Variants in CEP85L observed in about 807,000 individuals in gnomAD.
CEP85L encodes centrosomal protein of 85 kDa-like.
CEP85L carries 60 observed loss-of-function variants against 100.3 expected under a neutral mutation model. That is an observed-to-expected ratio of 0.60 (90% confidence interval 0.49 to 0.74). CEP85L has a LOEUF of 0.74. CEP85L is among the 30% of genes least tolerant of loss of function. The pLI, the probability that CEP85L is intolerant of heterozygous loss-of-function variation, is 0.00. For synonymous variants in CEP85L, 319 were observed against 322.7 expected (o/e 0.99, Z 0.12); for missense variants, 973 against 936.2 (o/e 1.04, Z -0.51).
At chr6:118,552,218 A>G (rs1484255499) in intron 3 of CEP85L, among the ~76,000 whole-genome samples, 1 of 152,092 alleles carries the variant, frequency 6.6e-6, no homozygotes, top group African/African-American at 2.4e-5. Flanking sequence ...TAAAAGGAGA[A>G]AAGCAAAATT....
intron 2 of CEP85L, among the ~76,000 whole-genome samples, chr6:118,627,762 T>C (rs1204387335): frequency 6.6e-6 from 1 of 152,198 alleles, no homozygotes; most frequent in Non-Finnish European, 1.5e-5. Context: ...TTTTGAAATA[T>C]ACCAGAACAT....
chr6:118,492,840 G>A (rs1272820583), intron 5 of CEP85L, among the ~76,000 whole-genome samples: 2 of 152,120 alleles, frequency 1.3e-5, no homozygotes, highest in Non-Finnish European at 2.9e-5. Flanking sequence ...CAGTAGCTAA[G>A]GGAGGGTGTT....
intron 1 of CEP85L, among the ~76,000 whole-genome samples, chr6:118,683,891 C>G (rs1000948814): frequency 1.3e-5 from 2 of 152,116 alleles, no homozygotes; most frequent in African/African-American, 4.8e-5. Flanking sequence ...TTTCTGGTAG[C>G]CTAGATGCAG....
At chr6:118,705,238 A>T (rs868253365) in intron 1 of CEP85L, among the ~76,000 whole-genome samples, 3 of 152,200 alleles carry the variant, frequency 2.0e-5, no homozygotes, top group Admixed American at 6.5e-5. Flanking sequence ...TCTTCTCTTC[A>T]TGCAGCAGAG....
intron 2 of CEP85L, among the ~76,000 whole-genome samples, chr6:118,586,984 A>C (rs2115101294): frequency 6.6e-6 from 1 of 152,346 alleles, no homozygotes; most frequent in East Asian, 1.9e-4. Context: ...AGTAAACATG[A>C]GCATTTTACT....
chr6:118,534,598 T>C (rs1005838890), intron 3 of CEP85L, among the ~76,000 whole-genome samples: 1 of 151,888 alleles, frequency 6.6e-6, no homozygotes, highest in East Asian at 1.9e-4. Flanking sequence ...GGTTGTATTA[T>C]TGACATAAGG....
At chr6:118,602,841 G>C (rs989674358) in intron 2 of CEP85L, among the ~76,000 whole-genome samples, 5 of 149,620 alleles carry the variant, frequency 3.3e-5, no homozygotes, top group African/African-American at 1.2e-4. Flanking sequence ...TTTTTTTGGA[G>C]ATATAGTCTC....
chr6:118,634,841 A>T (rs549212672), intron 1 of CEP85L, among the ~76,000 whole-genome samples: 5 of 151,826 alleles, frequency 3.3e-5, no homozygotes, highest in South Asian at 2.1e-4. Flanking sequence ...CTGGATAATT[A>T]TTTTTTTTTA....
chr6:118,699,448 T>C (rs1314268811), intron 1 of CEP85L, among the ~76,000 whole-genome samples: 1 of 107,772 alleles, frequency 9.3e-6, no homozygotes, highest in Non-Finnish European at 2.1e-5. Flanking sequence ...GAGCAAGACC[T>C]TGTCTCAAAA....
chr6:118,469,333 T>C (rs1490146330), intron 11 of CEP85L, 30 bp from the exon 12 acceptor site: 1 of 1,557,492 alleles, frequency 6.4e-7, no homozygotes, highest in South Asian at 1.1e-5. Flanking sequence ...AAACATCAGA[T>C]TGTTAGAACA....
intron 3 of CEP85L, 78 bp downstream of exon 3, chr6:118,565,451 T>C: frequency 7.5e-7 from 1 of 1,326,090 alleles, no homozygotes; most frequent in South Asian, 1.3e-5. Flanking sequence ...TGAACACTTG[T>C]TATATGCTTA....
chr6:118,641,536 G>T (rs1329599075), intron 1 of CEP85L, among the ~76,000 whole-genome samples: 1 of 152,060 alleles, frequency 6.6e-6, no homozygotes, highest in Non-Finnish European at 1.5e-5. Context: ...TAACATAAAC[G>T]GAGGTGCTCT....
chr6:118,635,980 T>A (rs754700308), intron 1 of CEP85L, among the ~76,000 whole-genome samples: 33 of 152,184 alleles, frequency 2.2e-4, no homozygotes, highest in Non-Finnish European at 3.5e-4. Context: ...AACAGTTCAA[T>A]AAAACCTTTT....
intron 1 of CEP85L, among the ~76,000 whole-genome samples, chr6:118,668,712 G>A (rs1356508734): frequency 6.6e-6 from 1 of 152,142 alleles, no homozygotes; most frequent in East Asian, 1.9e-4. Flanking sequence ...TCTGTTCAAG[G>A]CTAAAATAAA....
chr6:118,624,484 T>C (rs1185680962), intron 2 of CEP85L, among the ~76,000 whole-genome samples: 1 of 152,144 alleles, frequency 6.6e-6, no homozygotes, highest in African/African-American at 2.4e-5. Flanking sequence ...TTAACTCTCC[T>C]AAGTATTCTT....
intron 5 of CEP85L, among the ~76,000 whole-genome samples, chr6:118,499,927 G>C (rs1775169659): frequency 6.6e-6 from 1 of 152,034 alleles, no homozygotes; most frequent in South Asian, 2.1e-4. Context: ...ATACTGATTG[G>C]AAAGGAAGGA....
intron 2 of CEP85L, among the ~76,000 whole-genome samples, chr6:118,630,795 G>C (rs1343265590): frequency 6.6e-6 from 1 of 152,234 alleles, no homozygotes; most frequent in African/African-American, 2.4e-5. Context: ...CAGGAGGTGA[G>C]TGGCTGCAGG....
intron 10 of CEP85L, 134 bp from the exon 11 acceptor site, chr6:118,470,778 C>T (rs566168541): frequency 1.5e-4 from 72 of 470,298 alleles, no homozygotes; most frequent in Non-Finnish European, 2.6e-4. Context: ...AAGATGAAGC[C>T]TTCACTTTTA....
intron 1 of CEP85L, 35 bp downstream of exon 1, chr6:118,651,162 C>A: frequency 2.7e-6 from 4 of 1,483,898 alleles, no homozygotes; most frequent in Non-Finnish European, 2.7e-6. Context: ...CGGCCGTGAC[C>A]CCCACCCCAG....
Sources: allele counts gnomAD v4.1 joint callset (sites outside exome capture counted in the v4.1 genomes callset), GRCh38; gene constraint gnomAD v4.1.1; transcripts MANE v1.5; gene names NCBI Gene and HGNC (gene_info 2026-07-23, HGNC 2026-07-21).